Variants in MTMR12 observed in about 807,000 individuals in gnomAD.
The protein encoded by MTMR12 is myotubularin-related protein 12.
In MTMR12, 33 loss-of-function variants were observed where a neutral mutation model predicts 96.7. The ratio of observed to expected loss-of-function variants is 0.34; its 90% CI spans 0.26 to 0.46. MTMR12 has a LOEUF of 0.46. Among genes scored for constraint, MTMR12 ranks in the 20% least tolerant of loss-of-function variants. The probability of loss-of-function intolerance (pLI) is 1.00; values close to 1 mark genes in which losing one functional copy is unlikely to be tolerated. For missense variants in MTMR12, 721 were observed against 896.1 expected (o/e 0.80, Z 2.49); for synonymous variants, 298 against 327.2 (o/e 0.91, Z 0.96).
At chr5:32,300,942 G>A (rs1234683814) in intron 1 of MTMR12, among the ~76,000 whole-genome samples, 1 of 152,182 alleles carries the variant, frequency 6.6e-6, no homozygotes, top group Non-Finnish European at 1.5e-5. Flanking sequence ...GGGTGTGGTG[G>A]CATGCGCCTG....
intron 1 of MTMR12, among the ~76,000 whole-genome samples, chr5:32,291,504 T>A (rs1750736375): frequency 6.6e-6 from 1 of 152,074 alleles, no homozygotes; most frequent in Admixed American, 6.5e-5. Flanking sequence ...CTCTGAGTGG[T>A]CAAAAACTGT....
intron 5 of MTMR12, among the ~76,000 whole-genome samples, chr5:32,269,257 C>T (rs1749734665): frequency 6.6e-6 from 1 of 151,936 alleles, no homozygotes; most frequent in Non-Finnish European, 1.5e-5. Context: ...GAACTCCTGA[C>T]CTCAACTGAT....
rs1480230612 is a variant in MTMR12 at position 32,233,701 on chromosome 5, G to GT, written c.1674+71dup. The GT allele has an allele frequency of 6.3e-7, 1 of 1,596,996 alleles. No individual in the cohort carries two copies. Among genetic ancestry groups the GT allele is most frequent in the African/African-American group, 1.3e-5 (1 of 74,532 alleles). On this transcript the variant is annotated intron_variant, in intron 15 of 15. Coordinates refer to ENST00000382142, the MANE Select transcript of MTMR12 (RefSeq NM_001040446.3). This position sits in a 1 kb window ranked among gnomAD's most constrained non-coding sequence, Gnocchi z 5.0. The stretch of plus-strand genomic sequence containing the variant: ...TAGAAAATGCTGGCAGACAGAATCC[G>GT]TAAGTACCTTTTATCATTACATGCA...
rs1747918926 is a variant in MTMR12, at chr5:32,229,826, G to A, written c.2196C>T (p.Asp732=). The change falls in exon 16 of 16, where the codon GAC becomes GAT. Residue 732 remains aspartate, a synonymous_variant. Coordinates refer to ENST00000382142, the MANE Select transcript of MTMR12 (RefSeq NM_001040446.3). The part of the protein sequence containing the change: ...TSGWKALGDE[D]DLAKREDEFV... ...ACTCATCTTCTCGTTTGGCCAAATC[G>A]TCTTCATCTCCCAAAGCTTTCCAGC... The A allele has an allele frequency of 2.5e-6, 4 of 1,579,006 alleles. No homozygotes were observed. The highest frequency in any genetic ancestry group is 1.4e-5 in the African/African-American group (1 of 73,650).
chr5:32,298,358 T>C (rs563454112), intron 1 of MTMR12, among the ~76,000 whole-genome samples: 1 of 152,258 alleles, frequency 6.6e-6, no homozygotes, highest in African/African-American at 2.4e-5. Context: ...AAGGGTGCTG[T>C]TGGCAGAAGC....
chr5:32,277,780 A>G (rs541575576), intron 1 of MTMR12, among the ~76,000 whole-genome samples: 3 of 152,216 alleles, frequency 2.0e-5, no homozygotes, highest in Non-Finnish European at 4.4e-5. Flanking sequence ...TCAAGGGTTG[A>G]AAGCAAAAGA....
In MTMR12 at chr5:32,282,898, T is replaced by C. The variant is rs1233876298; in HGVS notation, c.82-6156A>G. ...AAGAAAGAACTGACAAATATGGAGC[T>C]AATATATTTCAATATTCTTAAGAGA... On this transcript the variant is annotated intron_variant, in intron 1 of 15. Coordinates refer to ENST00000382142, the MANE Select transcript of MTMR12 (RefSeq NM_001040446.3). Among the ~76,000 whole-genome samples, 6 of 152,354 alleles carry C rather than the reference T, an allele frequency of 3.9e-5. No homozygotes were observed. The East Asian group carries it at 9.6e-4, about 24-fold the overall frequency.
rs144150951 is a variant in MTMR12, at chr5:32,306,127, T to C, written c.81+6631A>G. Among the ~76,000 whole-genome samples, 81 of 152,232 alleles carry C rather than the reference T, an allele frequency of 5.3e-4. 2 individuals are homozygous for C. The East Asian group carries it at 0.014, about 27-fold the overall frequency. On this transcript the variant is annotated intron_variant, in intron 1 of 15. Transcript: ENST00000382142. ...TCTAGTGTACAAAGGCTAATCATGATATAAGCATGTTTCACTAGTAATATT... is the reference window on the plus strand; with the variant it reads ...TCTAGTGTACAAAGGCTAATCATGACATAAGCATGTTTCACTAGTAATATT...
intron 1 of MTMR12, among the ~76,000 whole-genome samples, chr5:32,284,212 G>A (rs1281861201): frequency 1.3e-5 from 2 of 148,398 alleles, no homozygotes; most frequent in African/African-American, 5.0e-5. Flanking sequence ...CAGTTACTCA[G>A]AAGGCTGGGG....
In MTMR12 at chr5:32,242,040, T is replaced by C. The variant is rs973354161; in HGVS notation, c.1171+17A>G. 6.3e-6 allele frequency: 10 copies of C among 1,590,856 alleles called. No individual in the cohort carries two copies. The highest frequency in any genetic ancestry group is 8.6e-6 in the Non-Finnish European group (10 of 1,160,918). ...GAAGGAAAATGGAAATCATCCTTTG[T>C]GCTTCCTATATATTACCTAAAAGAA... On this transcript the variant is annotated intron_variant, in intron 12 of 15. Transcript: ENST00000382142.
At chr5:32,299,102 T>C (rs1271061867) in intron 1 of MTMR12, among the ~76,000 whole-genome samples, 2 of 151,430 alleles carry the variant, frequency 1.3e-5, no homozygotes, top group African/African-American at 4.9e-5. Flanking sequence ...CACACACACA[T>C]ACCTGCAGCT....
chr5:32,267,857 C>T (rs952987980), intron 6 of MTMR12, among the ~76,000 whole-genome samples: 3 of 151,838 alleles, frequency 2.0e-5, no homozygotes, highest in African/African-American at 4.8e-5. Context: ...TTTTTTGAGA[C>T]GGAGTCTCAT....
chr5:32,275,604 G>A (rs561485553), intron 2 of MTMR12, among the ~76,000 whole-genome samples: 1 of 152,154 alleles, frequency 6.6e-6, no homozygotes, highest in Admixed American at 6.5e-5. Flanking sequence ...CACAAGAGTT[G>A]GGAGCTAGAA....
At chr5:32,250,604 T>C (rs1421153434) in intron 8 of MTMR12, among the ~76,000 whole-genome samples, 2 of 152,226 alleles carry the variant, frequency 1.3e-5, no homozygotes, top group Non-Finnish European at 2.9e-5. Flanking sequence ...CGCAGCTCAC[T>C]TGGATAAAGG....
chr5:32,271,667 T>C (rs376067173), intron 4 of MTMR12, among the ~76,000 whole-genome samples, 166 bp downstream of exon 4: 1 of 152,222 alleles, frequency 6.6e-6, no homozygotes, highest in African/African-American at 2.4e-5. Context: ...AGTGACCTTA[T>C]ATAAACCACT....
At chr5:32,308,189 G>A (rs546819852) in intron 1 of MTMR12, among the ~76,000 whole-genome samples, 9 of 152,228 alleles carry the variant, frequency 5.9e-5, no homozygotes, top group Admixed American at 4.6e-4. Flanking sequence ...GGGTGTGGTG[G>A]TGCACGCCTG....
chr5:32,234,460 G>C (rs1410816896), intron 14 of MTMR12, among the ~76,000 whole-genome samples: 2 of 152,200 alleles, frequency 1.3e-5, no homozygotes, highest in African/African-American at 2.4e-5. Context: ...TAGCTTCCCT[G>C]ATCTGCTGGT....
chr5:32,311,968 C>A (rs572843975), intron 1 of MTMR12, among the ~76,000 whole-genome samples: 3 of 152,312 alleles, frequency 2.0e-5, no homozygotes, highest in Admixed American at 2.0e-4. Context: ...CTATAATTCA[C>A]CCCGTTTCTC....
intron 8 of MTMR12, among the ~76,000 whole-genome samples, chr5:32,254,681 A>C (rs945537604): frequency 6.6e-6 from 1 of 152,010 alleles, no homozygotes; most frequent in African/African-American, 2.4e-5. Flanking sequence ...CGTCTCTACT[A>C]AAAACACAAA....
Sources: gnomAD v4.1 joint callset for allele counts (sites outside exome capture counted in the v4.1 genomes callset) on GRCh38, gnomAD v4.1.1 for gene constraint, Gnocchi (gnomAD v3.1) non-coding constraint, MANE v1.5 for transcripts, NCBI Gene and HGNC (gene_info 2026-07-23, HGNC 2026-07-21) for gene names.